REDIC1: variants seen among roughly 807,000 people sequenced by gnomAD.
REDIC1 encodes the protein HEI10 Interacting Protein 1.
At chr12:39,820,777 A>ATATATATATAT in the REDIC1 span, among the ~76,000 whole-genome samples, 3 of 143,956 alleles carry the variant, frequency 2.1e-5, no homozygotes, top group East Asian at 2.0e-4. Flanking sequence ...ATATATATAT[A>ATATATATATAT]AAGCAACATG....
the REDIC1 span, among the ~76,000 whole-genome samples, chr12:39,766,749 G>C: frequency 1.3e-5 from 2 of 152,074 alleles, no homozygotes; most frequent in African/African-American, 2.4e-5. Flanking sequence ...ACTTTCACCA[G>C]GAGTAGATTC....
chr12:39,866,548 G>A, the REDIC1 span, among the ~76,000 whole-genome samples: 1 of 151,894 alleles, frequency 6.6e-6, no homozygotes, highest in Non-Finnish European at 1.5e-5. Context: ...GCGCGATCTC[G>A]GCTCACTGCA....
chr12:39,803,906 A>G, the REDIC1 span, among the ~76,000 whole-genome samples: 1 of 152,312 alleles, frequency 6.6e-6, no homozygotes, highest in East Asian at 1.9e-4. Context: ...TCCCAAGATA[A>G]ATAAAATTAC....
chr12:39,733,742 C>A, the REDIC1 span, among the ~76,000 whole-genome samples: 2 of 152,156 alleles, frequency 1.3e-5, no homozygotes, highest in South Asian at 4.1e-4. Flanking sequence ...TAATGGAGGA[C>A]GCCTCTGCCA....
the REDIC1 span, among the ~76,000 whole-genome samples, chr12:39,703,234 A>G: frequency 6.6e-6 from 1 of 151,728 alleles, no homozygotes; most frequent in African/African-American, 2.4e-5. Context: ...ACTTCAGCAA[A>G]GTCTCAGGAT....
the REDIC1 span, among the ~76,000 whole-genome samples, chr12:39,694,490 T>C: frequency 6.6e-6 from 1 of 152,156 alleles, no homozygotes; most frequent in African/African-American, 2.4e-5. Context: ...TATCTTGTTA[T>C]AACAGAAAGC....
At chr12:39,859,692 T>A in the REDIC1 span, among the ~76,000 whole-genome samples, 3 of 151,966 alleles carry the variant, frequency 2.0e-5, no homozygotes, top group South Asian at 6.2e-4. Context: ...CTGGCTAATT[T>A]TTTTTTGTAT....
At chr12:39,741,695 G>T in the REDIC1 span, among the ~76,000 whole-genome samples, 2 of 152,206 alleles carry the variant, frequency 1.3e-5, no homozygotes, top group Admixed American at 6.5e-5. Context: ...TACATGGAAG[G>T]TCTGCATTGG....
the REDIC1 span, among the ~76,000 whole-genome samples, chr12:39,898,460 A>G: frequency 1.3e-5 from 2 of 151,868 alleles, no homozygotes; most frequent in South Asian, 4.1e-4. Flanking sequence ...AGAATGACAT[A>G]CCATATTCTG....
At chr12:39,693,726 T>C in the REDIC1 span, among the ~76,000 whole-genome samples, 1 of 152,184 alleles carries the variant, frequency 6.6e-6, no homozygotes, top group Non-Finnish European at 1.5e-5. Context: ...ATTTCCAGTA[T>C]ATTTTTCTTA....
chr12:39,807,761 G>A, the REDIC1 span, among the ~76,000 whole-genome samples: 5 of 152,166 alleles, frequency 3.3e-5, no homozygotes, highest in Admixed American at 3.3e-4. Flanking sequence ...TATAATAATG[G>A]AGAGTTGGGT....
At chr12:39,748,637 C>T in the REDIC1 span, among the ~76,000 whole-genome samples, 1 of 152,226 alleles carries the variant, frequency 6.6e-6, no homozygotes, top group African/African-American at 2.4e-5. Context: ...CACCACACTG[C>T]ACTTATTCCA....
the REDIC1 span, among the ~76,000 whole-genome samples, chr12:39,727,493 C>A: frequency 6.6e-6 from 1 of 152,126 alleles, no homozygotes; most frequent in Non-Finnish European, 1.5e-5. Flanking sequence ...GGCCTCCATT[C>A]TGTTCCATTG....
chr12:39,819,582 T>A, the REDIC1 span, among the ~76,000 whole-genome samples: 1 of 152,298 alleles, frequency 6.6e-6, no homozygotes, highest in African/African-American at 2.4e-5. Flanking sequence ...CAAATGTCCT[T>A]GACACTAAGC....
chr12:39,694,034 G>A, the REDIC1 span, among the ~76,000 whole-genome samples: 2 of 152,120 alleles, frequency 1.3e-5, no homozygotes, highest in Admixed American at 6.5e-5. Context: ...TTTGCGCTTC[G>A]CTCTGTGTGA....
chr12:39,840,117 C>T, the REDIC1 span, among the ~76,000 whole-genome samples: 12 of 152,022 alleles, frequency 7.9e-5, no homozygotes, highest in East Asian at 7.8e-4. Context: ...CTGCAACCTC[C>T]GCCTCCTGGG....
At chr12:39,749,004 G>C in the REDIC1 span, among the ~76,000 whole-genome samples, 1 of 152,012 alleles carries the variant, frequency 6.6e-6, no homozygotes, top group East Asian at 1.9e-4. Context: ...ATCACAATTA[G>C]AAGAACTAGA....
chr12:39,815,947 TTC>T, the REDIC1 span, among the ~76,000 whole-genome samples: 2 of 152,296 alleles, frequency 1.3e-5, no homozygotes, highest in Admixed American at 1.3e-4. Context: ...CTGAAATATT[TTC>T]TGTTCTGAGT....
the REDIC1 span, among the ~76,000 whole-genome samples, chr12:39,670,516 T>C: frequency 6.6e-6 from 1 of 152,226 alleles, no homozygotes; most frequent in Non-Finnish European, 1.5e-5. Flanking sequence ...ACTGTTTGAC[T>C]ATAATGTGGT....
Sources: gnomAD v4.1 joint callset for allele counts (sites outside exome capture counted in the v4.1 genomes callset) on GRCh38, gnomAD v4.1.1 for gene constraint, MANE v1.5 for transcripts, NCBI Gene and HGNC (gene_info 2026-07-23, HGNC 2026-07-21) for gene names.